The following RBFOX1 variants were observed in gnomAD, a reference collection of about 807,000 sequenced individuals.
The protein encoded by RBFOX1 is RNA binding protein fox-1 homolog 1.
Under a neutral mutation model 57.7 loss-of-function variants are expected in RBFOX1, and 8 were observed. The ratio of observed to expected loss-of-function variants is 0.14; its 90% confidence interval spans 0.08 to 0.25. RBFOX1 has a LOEUF of 0.25. Among genes scored for constraint, RBFOX1 ranks in the 10% least tolerant of loss-of-function variants. The pLI, the probability that RBFOX1 is intolerant of heterozygous loss-of-function variation, is 1.00. For missense variants in RBFOX1, 611 were observed against 548.5 expected, an observed-to-expected ratio of 1.11 and a Z score of -1.14; for synonymous variants, 326 against 222.4, an observed-to-expected ratio of 1.47 and a Z score of -4.15.
intron 5 of RBFOX1, among the ~76,000 whole-genome samples, chr16:7,550,764 A>T (rs2152544612): frequency 6.6e-6 from 1 of 152,182 alleles, no homozygotes; most frequent in Non-Finnish European, 1.5e-5. Context: ...AATCCTCAGT[A>T]TCCACAATGA....
intron 1 of RBFOX1, among the ~76,000 whole-genome samples, chr16:5,288,333 T>C (rs1220074178): frequency 1.3e-5 from 2 of 152,218 alleles, no homozygotes; most frequent in Non-Finnish European, 2.9e-5. Context: ...CCCTGTGAGC[T>C]TATGAGCTGT....
chr16:5,916,989 C>T (rs540858703), intron 4 of RBFOX1, among the ~76,000 whole-genome samples: 2 of 152,084 alleles, frequency 1.3e-5, no homozygotes, highest in Admixed American at 1.3e-4. Flanking sequence ...ACCTGCATCC[C>T]ATGTGCCCCT....
chr16:5,697,642 T>C (rs1440181129), intron 3 of RBFOX1, among the ~76,000 whole-genome samples: 1 of 151,674 alleles, frequency 6.6e-6, no homozygotes, highest in Non-Finnish European at 1.5e-5. Flanking sequence ...CAAGCGATTC[T>C]TCTGCCTCAG....
chr16:6,038,221 A>T (rs1329170675), intron 1 of RBFOX1: 1 of 147,570 alleles, frequency 6.8e-6, no homozygotes, highest in Non-Finnish European at 1.5e-5. Context: ...TCACCCTGTC[A>T]TCCAGGCTGG....
intron 3 of RBFOX1, among the ~76,000 whole-genome samples, chr16:6,982,271 C>T (rs1053113615): frequency 2.0e-5 from 3 of 152,170 alleles, no homozygotes; most frequent in African/African-American, 7.2e-5. Flanking sequence ...AACCCTTTTC[C>T]AGGTAACAAA....
intron 2 of RBFOX1, among the ~76,000 whole-genome samples, chr16:6,358,831 C>T (rs999092996): frequency 6.6e-6 from 1 of 152,148 alleles, no homozygotes. Context: ...TATCTTTTAT[C>T]TCTCTGTTTT....
intron 2 of RBFOX1, among the ~76,000 whole-genome samples, chr16:6,641,778 A>AAAAAAAAAAAAAG (rs1568006199): frequency 6.3e-5 from 2 of 31,784 alleles, no homozygotes; most frequent in African/African-American, 1.2e-4. Context: ...AAAAAAAAAA[A>AAAAAAAAAAAAAG]TAGGTTCTGC....
rs143945787 is a variant in RBFOX1 at position 6,654,911 on chromosome 16, T to G, written c.-16+261T>G. On this transcript the variant is annotated intron_variant, in intron 3 of 15. Transcript: ENST00000550418. Reference sequence around the variant, plus strand: ...GCTGATTTCTGTTTCAGTCATACCCTTCTTTTCAGGAAAATACTTTAACAC... The same window carrying G: ...GCTGATTTCTGTTTCAGTCATACCCGTCTTTTCAGGAAAATACTTTAACAC... Among the ~76,000 whole-genome samples, 57 of 152,292 alleles carry G rather than the reference T, an allele frequency of 3.7e-4. No homozygotes were observed. The East Asian group carries it at 7.9e-3, about 21-fold the overall frequency.
chr16:5,263,551 G>C (rs1389992460), intron 1 of RBFOX1, among the ~76,000 whole-genome samples: 1 of 152,170 alleles, frequency 6.6e-6, no homozygotes, highest in Admixed American at 6.6e-5. Flanking sequence ...AGTGAAATGA[G>C]GAGTGAAGGT....
intron 2 of RBFOX1, chr16:6,483,953 CTG>C (rs2095418938): frequency 1.9e-6 from 2 of 1,053,280 alleles, no homozygotes; most frequent in South Asian, 6.6e-5. Flanking sequence ...ACCTCGGAGA[CTG>C]TGCTCAGGGC....
rs544365674 is a variant in RBFOX1, at chr16:5,786,475, G to A, written c.319-80828G>A. ...TGAAATAGTGACAAGAGAGTGTAAC[G>A]AAGGCCAGGATAAGGAGATGTGCCG... On this transcript the variant is annotated intron_variant, in intron 3 of 19. Coordinates refer to the RBFOX1 transcript ENST00000641259. 5.9e-5 allele frequency among the ~76,000 whole-genome samples: 9 copies of A among 152,238 alleles called. No individual in the cohort carries two copies. The South Asian group carries it at 1.2e-3, about 21-fold the overall frequency.
At chr16:6,059,765 A>G (rs186843545) in intron 1 of RBFOX1, among the ~76,000 whole-genome samples, 12 of 152,246 alleles carry the variant, frequency 7.9e-5, no homozygotes, top group East Asian at 5.8e-4. Flanking sequence ...CAAATTCACC[A>G]TTCAGATAAT....
At chr16:6,016,176 A>G (rs571482057), upstream of RBFOX1, among the ~76,000 whole-genome samples, 1 of 152,334 alleles carries the variant, frequency 6.6e-6, no homozygotes, top group Admixed American at 6.5e-5. Context: ...AGAGAACAAC[A>G]TTTACAGTAA....
chr16:6,282,787 T>C (rs920709812), intron 1 of RBFOX1, among the ~76,000 whole-genome samples: 1 of 152,178 alleles, frequency 6.6e-6, no homozygotes, highest in Non-Finnish European at 1.5e-5. Flanking sequence ...TATCAGCCTG[T>C]AAGTCTTCAG....
At chr16:6,986,669 C>G (rs983248690) in intron 3 of RBFOX1, among the ~76,000 whole-genome samples, 2 of 152,048 alleles carry the variant, frequency 1.3e-5, no homozygotes, top group African/African-American at 4.8e-5. Flanking sequence ...CCTTCCCTTC[C>G]TCTCCCTCCC....
chr16:7,020,021 A>T (rs1278923539), intron 3 of RBFOX1, among the ~76,000 whole-genome samples: 2 of 149,358 alleles, frequency 1.3e-5, no homozygotes, highest in African/African-American at 5.0e-5. Flanking sequence ...TACCCTCAGG[A>T]AGGCGTCTGT....
intron 3 of RBFOX1, among the ~76,000 whole-genome samples, chr16:5,680,740 C>T (rs2050306802): frequency 2.0e-5 from 3 of 152,122 alleles, no homozygotes; most frequent in Admixed American, 1.3e-4. Context: ...CTTTACACTC[C>T]GGGTGAAGCT....
intron 4 of RBFOX1, among the ~76,000 whole-genome samples, chr16:7,104,334 G>A (rs972283941): frequency 6.6e-6 from 1 of 152,050 alleles, no homozygotes; most frequent in Non-Finnish European, 1.5e-5. Flanking sequence ...CTTCTCCTAA[G>A]GGGGACCAGT....
At position 7,111,739 on chromosome 16, in the gene RBFOX1, C is replaced by T. The variant is rs565919260; in HGVS notation, c.27+59641C>T. 4.7e-5 allele frequency among the ~76,000 whole-genome samples: 7 copies of T among 147,548 alleles called. No homozygotes were observed. The South Asian group carries it at 8.5e-4, about 18-fold the overall frequency. ...AGGACCTGGTCTTTATAAAATTATTCTGATTGTTATTTTGTACTTTTTTTT... is the reference window on the plus strand; with the variant it reads ...AGGACCTGGTCTTTATAAAATTATTTTGATTGTTATTTTGTACTTTTTTTT... On this transcript the variant is annotated intron_variant, in intron 4 of 15. Transcript: ENST00000550418.
Sources: gnomAD v4.1 joint callset for allele counts (sites outside exome capture counted in the v4.1 genomes callset) on GRCh38, gnomAD v4.1.1 for gene constraint, MANE v1.5 for transcripts, NCBI Gene and HGNC (gene_info 2026-07-23, HGNC 2026-07-21) for gene names.